Variants in GNRHR observed in about 807,000 individuals in gnomAD.
GNRHR encodes gonadotropin releasing hormone receptor.
Under a neutral mutation model 28.1 loss-of-function variants are expected in GNRHR, and 14 were observed. The ratio of observed to expected loss-of-function variants is 0.50; its 90% confidence interval spans 0.33 to 0.78. GNRHR has a LOEUF of 0.78. GNRHR is among the 30% of genes least tolerant of loss of function. GNRHR has a pLI of 0.02. For missense variants in GNRHR, 366 were observed against 382.1 expected (o/e 0.96, Z 0.35); for synonymous variants, 141 against 140.5 (o/e 1.00, Z -0.02).
intron 1 of GNRHR, among the ~76,000 whole-genome samples, chr4:67,753,460 A>T (rs951263208): frequency 6.6e-6 from 1 of 152,234 alleles, no homozygotes; most frequent in African/African-American, 2.4e-5. Flanking sequence ...AAAAACAGAT[A>T]AAAGAATAGG....
At chr4:67,742,870 A>G (rs35928800) in intron 2 of GNRHR, among the ~76,000 whole-genome samples, 12,413 of 152,312 alleles carry the variant, frequency 0.081, 699 homozygotes, top group Middle Eastern at 0.15. Context: ...AAAGTAATTT[A>G]TTAAATACAG....
chr4:67,740,633 G>T lies in GNRHR; in HGVS notation c.834C>A (p.Val278=). The T allele has an allele frequency of 6.2e-7, 1 of 1,611,858 alleles. No individual in the cohort carries two copies. The highest frequency in any genetic ancestry group is 8.5e-7 in the Non-Finnish European group (1 of 1,177,936). ...MTVAFATSFT[V]CWTPYYVLGI... ...CTAGGACATAGTAGGGAGTCCAGCA[G>T]ACAGTAAATGAAGTGGCAAATGCAA... is the stretch of plus-strand genomic sequence containing the variant. The change falls in exon 3 of 3, where the codon GTC becomes GTA. Residue 278 remains valine (V), a synonymous_variant. Transcript: ENST00000226413.
At chr4:67,747,555 G>A (rs1294366486) in intron 1 of GNRHR, among the ~76,000 whole-genome samples, 1 of 151,914 alleles carries the variant, frequency 6.6e-6, no homozygotes, top group East Asian at 1.9e-4. Context: ...AAAAAGATGG[G>A]TAGTGCGTGG....
At chr4:67,745,913 C>T (rs190450871) in intron 1 of GNRHR, among the ~76,000 whole-genome samples, 85 of 152,102 alleles carry the variant, frequency 5.6e-4, no homozygotes, top group African/African-American at 2.0e-3. Context: ...CCAAAAATGT[C>T]AATATCATGA....
rs1731576924 is a variant in GNRHR, at chr4:67,737,810, G to T, written c.*2670C>A. Reference sequence around the variant, plus strand: ...AAGTAAAGGAAGAGAAACCAAGATAGAATCTCCAATATCTGATATATTAGA... The same window carrying T: ...AAGTAAAGGAAGAGAAACCAAGATATAATCTCCAATATCTGATATATTAGA... On this transcript the variant is annotated 3_prime_UTR_variant, in exon 3 of 3. Transcript: ENST00000226413. Among the ~76,000 whole-genome samples, 1 of 151,780 alleles carries T rather than the reference G, an allele frequency of 6.6e-6. No homozygotes were observed. The highest frequency in any genetic ancestry group is 1.5e-5 in the Non-Finnish European group (1 of 67,792).
At chr4:67,753,410 C>T (rs1531891) in intron 1 of GNRHR, among the ~76,000 whole-genome samples, 6 of 152,104 alleles carry the variant, frequency 3.9e-5, no homozygotes, top group African/African-American at 1.4e-4. Flanking sequence ...TAAAAATTAT[C>T]TCAACTAAAC....
intron 2 of GNRHR, among the ~76,000 whole-genome samples, chr4:67,741,007 G>A (rs1160755094): frequency 6.6e-6 from 1 of 152,110 alleles, no homozygotes; most frequent in Non-Finnish European, 1.5e-5. Context: ...AAATTTAAAA[G>A]AGTAGATGAG....
At position 67,737,817 on chromosome 4, in the gene GNRHR, C is replaced by T. The variant is rs1038426; in HGVS notation, c.*2663G>A. On this transcript the variant is annotated 3_prime_UTR_variant, in exon 3 of 3. Transcript: ENST00000226413. Reference sequence around the variant, plus strand: ...GGAAGAGAAACCAAGATAGAATCTCCAATATCTGATATATTAGATTGACTC... The same window carrying T: ...GGAAGAGAAACCAAGATAGAATCTCTAATATCTGATATATTAGATTGACTC... Among the ~76,000 whole-genome samples the T allele has an allele frequency of 6.6e-6, 1 of 151,394 alleles. No homozygotes were observed. The highest frequency in any genetic ancestry group is 2.4e-5 in the African/African-American group (1 of 41,282).
At position 67,740,739 on chromosome 4, in the gene GNRHR, A is replaced by G; in HGVS notation, c.743-15T>C. The G allele has an allele frequency of 1.9e-6, 3 of 1,605,050 alleles. No individual in the cohort carries two copies. The highest frequency in any genetic ancestry group is 2.6e-6 in the Non-Finnish European group (3 of 1,171,736). On this transcript the variant is annotated splice_polypyrimidine_tract_variant and intron_variant, in intron 2 of 2. Coordinates refer to ENST00000226413, the MANE Select transcript of GNRHR (RefSeq NM_000406.3). ...CAGTTGTAGTTCTGTTGGATAGAGA[A>G]AAGAGCAGGTGTTTAAAGATCAGTT...
At chr4:67,745,430 T>C (rs1419150878) in intron 1 of GNRHR, among the ~76,000 whole-genome samples, 4 of 151,994 alleles carry the variant, frequency 2.6e-5, no homozygotes, top group Non-Finnish European at 5.9e-5. Flanking sequence ...TATGAGCCCA[T>C]ACTTATAAAA....
intron 2 of GNRHR, among the ~76,000 whole-genome samples, chr4:67,741,024 C>T (rs1019410322): frequency 6.6e-6 from 1 of 151,884 alleles, no homozygotes; most frequent in African/African-American, 2.4e-5. Context: ...TGAGGTTGAG[C>T]TCAGTTGAAT....
At chr4:67,749,048 A>C (rs922418380) in intron 1 of GNRHR, among the ~76,000 whole-genome samples, 3 of 152,174 alleles carry the variant, frequency 2.0e-5, no homozygotes, top group African/African-American at 7.2e-5. Context: ...AATTCCTGGC[A>C]CATATTTATG....
intron 1 of GNRHR, among the ~76,000 whole-genome samples, chr4:67,750,543 G>A (rs1264066995): frequency 1.3e-5 from 2 of 152,090 alleles, no homozygotes; most frequent in Non-Finnish European, 2.9e-5. Flanking sequence ...AAACTTCTGA[G>A]AATGCACTGC....
rs570270942 is a variant in GNRHR at position 67,750,953 on chromosome 4, G to A, written c.522+2861C>T. ...TCCTCATCAAATATATGTAACATTA[G>A]TTATGGGATTGAAATTTCTTTTATT... On this transcript the variant is annotated intron_variant, in intron 1 of 2. Transcript: ENST00000226413. Among the ~76,000 whole-genome samples the A allele has an allele frequency of 3.3e-5, 5 of 152,180 alleles. No individual in the cohort carries two copies. In the East Asian group the frequency reaches 7.7e-4, roughly 24 times the overall value.
At chr4:67,744,030 A>G (rs925941642) in intron 2 of GNRHR, among the ~76,000 whole-genome samples, 2 of 152,180 alleles carry the variant, frequency 1.3e-5, no homozygotes, top group Non-Finnish European at 2.9e-5. Context: ...GTTTTTGGGA[A>G]TGCACCATTT....
Position 67,753,808 on chromosome 4 carries a change from G to A in GNRHR, c.522+6C>T, listed in dbSNP as rs1198001425. On this transcript the variant is annotated splice_donor_region_variant and intron_variant, in intron 1 of 2. Transcript: ENST00000226413. ...TATCCAAATAAGTTTGTGTATAATG[G>A]CTTACCTGTGGTCCTGCAAAGACAC... 1 of 1,608,332 alleles carries A rather than the reference G, an allele frequency of 6.2e-7. No homozygotes were observed. Among genetic ancestry groups the A allele is most frequent in the Non-Finnish European group, 8.5e-7 (1 of 1,175,696 alleles).
Position 67,740,540 on chromosome 4 carries a change from AAAG to A in GNRHR, c.924_926del (p.Phe309del), listed in dbSNP as rs746452449. On this transcript the variant is annotated inframe_deletion, in exon 3 of 3. Coordinates refer to ENST00000226413, the MANE Select transcript of GNRHR (RefSeq NM_000406.3). ...AGCATGGGTTTAAAAAGGCAAAGAGAAAGAAGAAGTGATTTACTGGGTCTGACA... is the reference window on the plus strand; with the variant it reads ...AGCATGGGTTTAAAAAGGCAAAGAGAAAGAAGTGATTTACTGGGTCTGACA... The A allele has an allele frequency of 3.6e-5, 58 of 1,606,694 alleles. No homozygotes were observed. Among genetic ancestry groups the A allele is most frequent in the South Asian group, 2.3e-4 (21 of 90,954 alleles).
At position 67,740,097 on chromosome 4, in the gene GNRHR, C is replaced by A; in HGVS notation, c.*383G>T. Reference sequence around the variant, plus strand: ...TTGGAGAAAAACTCACCAAAGCATGCTGAGTTTAGACCTGTGTTGTGGTTT... The same window carrying A: ...TTGGAGAAAAACTCACCAAAGCATGATGAGTTTAGACCTGTGTTGTGGTTT... On this transcript the variant is annotated 3_prime_UTR_variant, in exon 3 of 3. Coordinates refer to ENST00000226413, the MANE Select transcript of GNRHR (RefSeq NM_000406.3). 1 of 195,456 alleles carries A rather than the reference C, an allele frequency of 5.1e-6. No individual in the cohort carries two copies. The highest frequency in any genetic ancestry group is 1.1e-5 in the Non-Finnish European group (1 of 94,538). The allele number at this position is 195,456 out of a possible 1,614,324, so 12.1% of individuals were successfully genotyped here. A position where few individuals can be genotyped will look rare whatever the true frequency, so the allele number is the denominator to read the frequency against.
At chr4:67,747,947 T>A (rs1350222872) in intron 1 of GNRHR, among the ~76,000 whole-genome samples, 3 of 152,242 alleles carry the variant, frequency 2.0e-5, no homozygotes, top group East Asian at 3.9e-4. Flanking sequence ...ATTGTCTTAG[T>A]TCCGTTTATT....
Sources: gnomAD v4.1 joint callset for allele counts (sites outside exome capture counted in the v4.1 genomes callset) on GRCh38, gnomAD v4.1.1 for gene constraint, MANE v1.5 for transcripts, NCBI Gene and HGNC (gene_info 2026-07-23, HGNC 2026-07-21) for gene names.